SCYL2: variants seen among roughly 807,000 people sequenced by gnomAD.
SCYL2 encodes SCY1-like protein 2.
A neutral mutation model predicts 100.4 loss-of-function variants in SCYL2; 36 were observed. The observed-to-expected ratio is 0.36, with a 90% confidence interval of 0.27 to 0.47. The LOEUF is 0.47. Among genes scored for constraint, SCYL2 ranks in the 20% least tolerant of loss-of-function variants. The probability of loss-of-function intolerance (pLI) is 1.00; values close to 1 mark genes in which losing one functional copy is unlikely to be tolerated. For synonymous variants in SCYL2, 330 were observed against 359.2 expected (o/e 0.92, Z 0.92); for missense variants, 902 against 1,083.9 (o/e 0.83, Z 2.36).
Position 100,312,635 on chromosome 12 carries a change from C to G in SCYL2, c.834C>G (p.Phe278Leu). 5 of 1,611,094 alleles carry G rather than the reference C, an allele frequency of 3.1e-6. No individual in the cohort carries two copies. Among genetic ancestry groups the G allele is most frequent in the Non-Finnish European group, 2.5e-6 (3 of 1,178,282 alleles). Residue 278 changes from phenylalanine to leucine, a missense_variant, in exon 6 of 18, where the codon TTC becomes TTG. Phe to Leu is a conservative substitution (Grantham distance 22, BLOSUM62 0). Coordinates refer to ENST00000360820, the MANE Select transcript of SCYL2 (RefSeq NM_017988.6). ...ACAAGCAAGATATTTACAAGAGTTT[C>G]AGTAGGCAGTTGGATCAGGTATTTG... is the stretch of plus-strand genomic sequence containing the variant. ...EVNKQDIYKS[F>L]SRQLDQLSRL...
In SCYL2 at chr12:100,339,296, A is replaced by C; in HGVS notation, c.*124A>C. ...GAAAGTGAACAGTTCTGTGACAGGA[A>C]ACATCTCTGTCCATGCCAGCATAGT... is the stretch of plus-strand genomic sequence containing the variant. On this transcript the variant is annotated 3_prime_UTR_variant, in exon 18 of 18. Coordinates refer to ENST00000360820, the MANE Select transcript of SCYL2 (RefSeq NM_017988.6). The C allele has an allele frequency of 1.1e-6, 1 of 929,176 alleles. No homozygotes were observed. The highest frequency in any genetic ancestry group is 1.6e-6 in the Non-Finnish European group (1 of 625,154). The allele number at this position is 929,176 out of a possible 1,614,324, so 57.6% of individuals were successfully genotyped here. A position where few individuals can be genotyped will look rare whatever the true frequency, so the allele number is the denominator to read the frequency against.
chr12:100,281,560 G>T (rs369103846), intron 1 of SCYL2, among the ~76,000 whole-genome samples: 1 of 152,024 alleles, frequency 6.6e-6, no homozygotes, highest in Non-Finnish European at 1.5e-5. Context: ...TAGGCTGGGC[G>T]CTTTGGCTCA....
chr12:100,317,099 C>CAA (rs766952925), intron 9 of SCYL2, among the ~76,000 whole-genome samples: 3 of 114,522 alleles, frequency 2.6e-5, no homozygotes, highest in African/African-American at 3.2e-5. Flanking sequence ...GGCCCTGTCT[C>CAA]AAAAAAAAAA....
At chr12:100,300,980 A>G (rs1234296001) in intron 4 of SCYL2, among the ~76,000 whole-genome samples, 2 of 152,214 alleles carry the variant, frequency 1.3e-5, no homozygotes, top group Non-Finnish European at 2.9e-5. Flanking sequence ...TCTCTTTGCT[A>G]TACGGATTTC....
At chr12:100,323,030 GAA>G (rs755343482) in intron 10 of SCYL2, among the ~76,000 whole-genome samples, 3 of 56,740 alleles carry the variant, frequency 5.3e-5, no homozygotes, top group African/African-American at 6.8e-5. Flanking sequence ...CCTGTCTCAA[GAA>G]AAAAAAAAAA....
intron 4 of SCYL2, among the ~76,000 whole-genome samples, chr12:100,308,545 G>A (rs1373182758): frequency 6.6e-6 from 1 of 152,108 alleles, no homozygotes; most frequent in Non-Finnish European, 1.5e-5. Context: ...TAGGTGACTG[G>A]TTGATGGGTG....
intron 13 of SCYL2, among the ~76,000 whole-genome samples, chr12:100,331,418 G>A (rs1952207106): frequency 6.6e-6 from 1 of 152,036 alleles, no homozygotes; most frequent in Non-Finnish European, 1.5e-5. Context: ...GACCAGCCTG[G>A]GCAACATGGT....
In SCYL2 at chr12:100,314,623, T is replaced by C. The variant is rs1378983319; in HGVS notation, c.1095+9T>C. Reference sequence around the variant, plus strand: ...TACCAAAACTGCCCAAGGTTTGTTATTGTTAGTTTCTTATTAATAATCAGG... The same window carrying C: ...TACCAAAACTGCCCAAGGTTTGTTACTGTTAGTTTCTTATTAATAATCAGG... On this transcript the variant is annotated intron_variant, in intron 8 of 17. Transcript: ENST00000360820. 4 of 1,587,770 alleles carry C rather than the reference T, an allele frequency of 2.5e-6. No individual in the cohort carries two copies. Among genetic ancestry groups the C allele is most frequent in the African/African-American group, 2.7e-5 (2 of 73,208 alleles).
At position 100,291,904 on chromosome 12, in the gene SCYL2, A is replaced by G. The variant is rs147988330; in HGVS notation, c.335+244A>G. The G allele has an allele frequency of 7.2e-3, 2,958 of 410,064 alleles. 14 individuals are homozygous for G. Among genetic ancestry groups the G allele is most frequent in the Middle Eastern group, 0.016 (24 of 1,548 alleles). 25.4% of individuals were successfully genotyped at this position (410,064 alleles called of 1,614,324 possible). A position where few individuals can be genotyped will look rare whatever the true frequency, so the allele number is the denominator to read the frequency against. Reference sequence around the variant, plus strand: ...GTACTTCAGTGGCTACCCTGTGCTCATGACTACAATAGTCAAAATAGAACA... The same window carrying G: ...GTACTTCAGTGGCTACCCTGTGCTCGTGACTACAATAGTCAAAATAGAACA... On this transcript the variant is annotated intron_variant, in intron 3 of 17. Coordinates refer to ENST00000360820, the MANE Select transcript of SCYL2 (RefSeq NM_017988.6).
At chr12:100,302,994 A>G (rs1226188747) in intron 4 of SCYL2, among the ~76,000 whole-genome samples, 2 of 151,910 alleles carry the variant, frequency 1.3e-5, no homozygotes, top group Non-Finnish European at 2.9e-5. Context: ...GCTTTATTTC[A>G]TCAAGTTGAT....
At chr12:100,307,573 C>T (rs1384915133) in intron 4 of SCYL2, among the ~76,000 whole-genome samples, 1 of 152,146 alleles carries the variant, frequency 6.6e-6, no homozygotes, top group Admixed American at 6.5e-5. Context: ...CCATTCAGGA[C>T]TTAGGCATGG....
intron 5 of SCYL2, 129 bp downstream of exon 5, chr12:100,311,322 G>A (rs2096341934): frequency 1.3e-6 from 1 of 790,322 alleles, no homozygotes; most frequent in Admixed American, 3.9e-5. Context: ...AATTTATAGT[G>A]TTCATTGCAC....
intron 3 of SCYL2, among the ~76,000 whole-genome samples, chr12:100,295,694 A>G (rs968079862): frequency 6.6e-6 from 1 of 151,098 alleles, no homozygotes; most frequent in Non-Finnish European, 1.5e-5. Context: ...CCGTGGAAAC[A>G]GAGGGAGAGG....
At chr12:100,299,273 G>C (rs114122287) in intron 4 of SCYL2, among the ~76,000 whole-genome samples, 2 of 152,048 alleles carry the variant, frequency 1.3e-5, no homozygotes, top group African/African-American at 4.8e-5. Context: ...TATCTTCAGT[G>C]CCATAGAATA....
intron 1 of SCYL2, among the ~76,000 whole-genome samples, chr12:100,274,630 A>T (rs1179287493): frequency 6.6e-6 from 1 of 152,194 alleles, no homozygotes; most frequent in Non-Finnish European, 1.5e-5. Context: ...TCCTCCCACA[A>T]AATTTTTTTA....
chr12:100,332,063 G>C (rs1010969889), intron 13 of SCYL2, among the ~76,000 whole-genome samples: 1 of 152,124 alleles, frequency 6.6e-6, no homozygotes, highest in Non-Finnish European at 1.5e-5. Flanking sequence ...GCAAAATCAG[G>C]AAAGGGAAAA....
intron 10 of SCYL2, among the ~76,000 whole-genome samples, chr12:100,322,860 CAAAAAA>C (rs138492576): frequency 1.3e-5 from 1 of 78,898 alleles, no homozygotes; most frequent in Non-Finnish European, 2.7e-5. Context: ...AACTCCGTCT[CAAAAAA>C]AAAAAAAAAA....
chr12:100,272,219 A>G (rs549412493), intron 1 of SCYL2, among the ~76,000 whole-genome samples: 8 of 152,370 alleles, frequency 5.3e-5, no homozygotes, highest in Admixed American at 2.0e-4. Context: ...AATGCCTTAC[A>G]TGACTAAGAA....
intron 4 of SCYL2, among the ~76,000 whole-genome samples, chr12:100,300,455 G>A (rs897269626): frequency 6.6e-6 from 1 of 151,932 alleles, no homozygotes; most frequent in Non-Finnish European, 1.5e-5. Context: ...GGAAAATGGG[G>A]CATCCATCTC....
Sources: gnomAD v4.1 joint callset for allele counts (sites outside exome capture counted in the v4.1 genomes callset) on GRCh38, gnomAD v4.1.1 for gene constraint, MANE v1.5 for transcripts, NCBI Gene and HGNC (gene_info 2026-07-23, HGNC 2026-07-21) for gene names.